Variants in HS1BP3 observed in about 807,000 individuals in gnomAD.
The protein encoded by HS1BP3 is HCLS1-binding protein 3.
HS1BP3 carries 32 observed loss-of-function variants against 33.5 expected under a neutral mutation model. The ratio of observed to expected loss-of-function variants is 0.95; its 90% confidence interval spans 0.72 to 1.28. The LOEUF is 1.28. Ranked by LOEUF, HS1BP3 falls within the 50% of genes most tolerant of loss-of-function variation. The pLI is 0.00. For missense variants in HS1BP3, 486 were observed against 502.3 expected (o/e 0.97, Z 0.31); for synonymous variants, 187 against 209.2 (o/e 0.89, Z 0.92).
chr2:20,581,757 G>A (rs1160762423), intron 5 of HS1BP3, among the ~76,000 whole-genome samples: 1 of 152,212 alleles, frequency 6.6e-6, no homozygotes, highest in African/African-American at 2.4e-5. Context: ...TGTCAACTGG[G>A]CTGTGATCTC....
downstream of HS1BP3, among the ~76,000 whole-genome samples, chr2:20,557,315 C>T (rs553089445): frequency 2.0e-4 from 31 of 152,296 alleles, no homozygotes; most frequent in African/African-American, 7.5e-4. Flanking sequence ...AGACAAAGAC[C>T]TGTATTTTCC....
chr2:20,559,590 AGGTGGATGAATGGATG>A (rs1231061863), downstream of HS1BP3, among the ~76,000 whole-genome samples: 43 of 147,652 alleles, frequency 2.9e-4, no homozygotes, highest in East Asian at 8.3e-4. Context: ...ATGGATGGAT[AGGTGGATGAATGGATG>A]GGTGGATGAA....
rs561209621 is a variant in HS1BP3, at chr2:20,618,574, G to A, written c.*413C>T. 72 of 311,760 alleles carry A rather than the reference G, an allele frequency of 2.3e-4. 1 individual carries two copies. In the South Asian group the frequency reaches 6.7e-3, roughly 29 times the overall value. The allele number at this position is 311,760 out of a possible 1,614,324, so 19.3% of individuals were successfully genotyped here. ...CGAACAGAGGCAGAGGAGGGATAGA[G>A]GCCCAGCCCCAGTTTGGGTCTGTGC... On this transcript the variant is annotated 3_prime_UTR_variant, in exon 7 of 7. Transcript: ENST00000304031.
At chr2:20,555,576 G>A (rs1264261042), downstream of HS1BP3, among the ~76,000 whole-genome samples, 1 of 152,138 alleles carries the variant, frequency 6.6e-6, no homozygotes, top group Admixed American at 6.5e-5. Flanking sequence ...AAGCCCCAGA[G>A]GGAGGAGCAA....
chr2:20,589,806 T>A (rs1240611704), downstream of HS1BP3, among the ~76,000 whole-genome samples: 1 of 151,286 alleles, frequency 6.6e-6, no homozygotes, highest in Non-Finnish European at 1.5e-5. Flanking sequence ...TCCTCACAGC[T>A]GGTGGAGGGA....
chr2:20,598,038 G>A (rs531158684), intron 3 of HS1BP3, among the ~76,000 whole-genome samples: 15 of 152,234 alleles, frequency 9.9e-5, no homozygotes, highest in South Asian at 6.2e-4. Flanking sequence ...CTACTTCAGC[G>A]GTCCCTAACC....
downstream of HS1BP3, among the ~76,000 whole-genome samples, chr2:20,556,242 C>T (rs1381853083): frequency 6.6e-6 from 1 of 152,166 alleles, no homozygotes; most frequent in Non-Finnish European, 1.5e-5. Context: ...ACTTTGCTTT[C>T]ACTCATCTCC....
At chr2:20,593,934 C>T (rs1025678800) in intron 3 of HS1BP3, among the ~76,000 whole-genome samples, 1 of 152,226 alleles carries the variant, frequency 6.6e-6, no homozygotes, top group African/African-American at 2.4e-5. Context: ...CCTAAAACTT[C>T]CCTGATGAAA....
intron 3 of HS1BP3, among the ~76,000 whole-genome samples, chr2:20,595,368 C>T (rs1408160725): frequency 6.6e-6 from 1 of 152,288 alleles, no homozygotes; most frequent in African/African-American, 2.4e-5. Flanking sequence ...CCAGGTCATG[C>T]ATAGAAAATT....
At position 20,611,459 on chromosome 2, in the gene HS1BP3, C is replaced by T. The variant is rs937199761; in HGVS notation, c.178+12437G>A. Among the ~76,000 whole-genome samples the T allele has an allele frequency of 2.6e-5, 4 of 152,184 alleles. No individual in the cohort carries two copies. The highest frequency in any genetic ancestry group is 4.4e-5 in the Non-Finnish European group (3 of 68,030). The stretch of plus-strand genomic sequence containing the variant: ...CCTCTCTCCACTTGACCACATCGTG[C>T]GCAAAGTTCAGGGACCAGGAGAGGG... On this transcript the variant is annotated intron_variant, in intron 2 of 3. Coordinates refer to the HS1BP3 transcript ENST00000415264. This position sits in a 1 kb window ranked among gnomAD's most constrained non-coding sequence, Gnocchi z 4.9.
At chr2:20,575,938 G>A (rs775074587) in intron 5 of HS1BP3, among the ~76,000 whole-genome samples, 38 of 152,204 alleles carry the variant, frequency 2.5e-4, no homozygotes, top group Non-Finnish European at 4.9e-4. Flanking sequence ...TGGGGGAAGG[G>A]GACTGGGGAG....
rs143030425 is a variant in HS1BP3 at position 20,585,414 on chromosome 2, C to G, written c.303-24899G>C. The stretch of plus-strand genomic sequence containing the variant: ...GTCTGGAAGATAACTATATATTTGC[C>G]TTAACTCTACAAGCATAACTGAATC... On this transcript the variant is annotated intron_variant, in intron 5 of 5. Transcript: ENST00000446825. Among the ~76,000 whole-genome samples the G allele has an allele frequency of 4.4e-3, 668 of 152,296 alleles. 1 individual carries two copies. The highest frequency in any genetic ancestry group is 7.2e-3 in the Non-Finnish European group (490 of 68,016).
downstream of HS1BP3, among the ~76,000 whole-genome samples, chr2:20,591,917 G>A (rs1322073576): frequency 1.3e-5 from 2 of 152,160 alleles, no homozygotes; most frequent in Non-Finnish European, 2.9e-5. Context: ...GTGGTTGCAT[G>A]GGGGAGGCTG....
At chr2:20,632,918 G>A (rs1695011152) in intron 4 of HS1BP3, among the ~76,000 whole-genome samples, 1 of 152,198 alleles carries the variant, frequency 6.6e-6, no homozygotes, top group Non-Finnish European at 1.5e-5. Flanking sequence ...AAGTGGAAAA[G>A]CTGCCTTTTA....
chr2:20,628,354 C>G (rs1694857473), intron 4 of HS1BP3, among the ~76,000 whole-genome samples: 2 of 152,122 alleles, frequency 1.3e-5, no homozygotes, highest in African/African-American at 4.8e-5. Context: ...CTTTCGGAGG[C>G]TGAGGTGGGT....
intron 5 of HS1BP3, among the ~76,000 whole-genome samples, chr2:20,578,020 G>A (rs1693442620): frequency 6.6e-6 from 1 of 152,224 alleles, no homozygotes; most frequent in South Asian, 2.1e-4. Context: ...TGCAAAGACT[G>A]AGTAACGTGC....
At chr2:20,564,511 G>A (rs1355725050) in intron 5 of HS1BP3, among the ~76,000 whole-genome samples, 1 of 152,048 alleles carries the variant, frequency 6.6e-6, no homozygotes, top group Admixed American at 6.6e-5. Flanking sequence ...TTGAGATGGA[G>A]TTTCACTTGT....
At chr2:20,645,528 G>A in intron 1 of HS1BP3, 23 bp from the exon 2 acceptor site, 2 of 1,601,914 alleles carry the variant, frequency 1.2e-6, no homozygotes, top group Non-Finnish European at 1.7e-6. Flanking sequence ...AAGAAGGCAG[G>A]TGGGGTTCAG....
chr2:20,638,460 G>A lies in HS1BP3; in HGVS notation c.599C>T (p.Ala200Val), dbSNP rs371416796. Residue 200 changes from alanine to valine, a missense_variant, in exon 4 of 7, where the codon GCG becomes GTG. Coordinates refer to ENST00000304031, the MANE Select transcript of HS1BP3 (RefSeq NM_022460.4). ...CCGCATAATGCCCAGAGGGTCCAGCGCCTCCTCCTCCTCCAAGGATTCCTC... is the reference window on the plus strand; with the variant it reads ...CCGCATAATGCCCAGAGGGTCCAGCACCTCCTCCTCCTCCAAGGATTCCTC... Reference protein sequence around the residue: ...DAEESLEEEEALDPLGIMRSK... With the variant: ...DAEESLEEEEVLDPLGIMRSK... The A allele has an allele frequency of 1.1e-5, 17 of 1,613,788 alleles. No individual in the cohort carries two copies. Among genetic ancestry groups the A allele is most frequent in the East Asian group, 2.2e-5 (1 of 44,898 alleles).
Sources: allele counts gnomAD v4.1 joint callset (sites outside exome capture counted in the v4.1 genomes callset), GRCh38; gene constraint gnomAD v4.1.1; non-coding constraint Gnocchi (gnomAD v3.1); transcripts MANE v1.5; gene names NCBI Gene and HGNC (gene_info 2026-07-23, HGNC 2026-07-21).